The following DENND4C variants were observed in gnomAD, a reference collection of about 807,000 sequenced individuals.
DENND4C encodes the protein DENN domain-containing protein 4C.
Under a neutral mutation model 203.0 loss-of-function variants are expected in DENND4C, and 108 were observed. The observed-to-expected ratio is 0.53, with a 90% CI of 0.46 to 0.62. DENND4C has a LOEUF of 0.62. DENND4C is among the 20% of genes least tolerant of loss of function. The pLI, the probability that DENND4C is intolerant of heterozygous loss-of-function variation, is 0.00. For missense variants in DENND4C, 2,481 were observed against 2,301.2 expected, an observed-to-expected ratio of 1.08 and a Z score of -1.60; for synonymous variants, 871 against 792.4, an observed-to-expected ratio of 1.10 and a Z score of -1.67.
At position 19,340,991 on chromosome 9, in the gene DENND4C, G is replaced by T. The variant is rs1400219632; in HGVS notation, c.2882-1G>T. On this transcript the variant is annotated splice_acceptor_variant, in intron 20 of 32. Coordinates refer to ENST00000434457, the MANE Select transcript of DENND4C (RefSeq NM_001330640.2). LOFTEE classifies it high-confidence loss of function. Reference sequence around the variant, plus strand: ...ATGTAAGTCTGCATTCTTTTTAACAGGTGGTCAGTCTGACCAAGGATACGG... The same window carrying T: ...ATGTAAGTCTGCATTCTTTTTAACATGTGGTCAGTCTGACCAAGGATACGG... 6.3e-7 allele frequency: 1 copy of T among 1,593,992 alleles called. No individual in the cohort carries two copies. Among genetic ancestry groups the T allele is most frequent in the Non-Finnish European group, 8.5e-7 (1 of 1,173,626 alleles).
At chr9:19,278,809 G>C (rs1295160100) in intron 2 of DENND4C, among the ~76,000 whole-genome samples, 1 of 152,112 alleles carries the variant, frequency 6.6e-6, no homozygotes, top group Admixed American at 6.5e-5. Context: ...TATGAGCCAG[G>C]TTAGAAAGAC....
Position 19,342,679 on chromosome 9 carries a change from T to C in DENND4C, c.3051T>C (p.Ser1017=). 2 of 1,612,996 alleles carry C rather than the reference T, an allele frequency of 1.2e-6. No individual in the cohort carries two copies. The highest frequency in any genetic ancestry group is 1.7e-6 in the Non-Finnish European group (2 of 1,179,522). Residue 1017 remains serine (S), a synonymous_variant, in exon 22 of 33, where the codon AGT becomes AGC. Coordinates refer to ENST00000434457, the MANE Select transcript of DENND4C (RefSeq NM_001330640.2). ...TTGTGGCAAAACATTCACAACCTAG[T>C]CCAGAGCCTCACAGTCCTACTGAAC... ...SAIVAKHSQP[S]PEPHSPTEPP...
intron 10 of DENND4C, among the ~76,000 whole-genome samples, chr9:19,306,745 GTATTTATTTATTTATTTATTTATT>G (rs59616787): frequency 0.023 from 3,332 of 142,302 alleles, 122 homozygotes; most frequent in African/African-American, 0.082. Context: ...TTGCACAATT[GTATTTATTTATTTATTTATTTATT>G]TATTTATTTA....
intron 2 of DENND4C, among the ~76,000 whole-genome samples, chr9:19,279,755 G>T (rs371967439): frequency 4.6e-5 from 7 of 152,086 alleles, no homozygotes; most frequent in East Asian, 1.9e-4. Context: ...GCTGAGGTGG[G>T]AGGATCACTG....
intron 27 of DENND4C, 96 bp from the exon 28 acceptor site, chr9:19,357,869 G>T (rs1825726152): frequency 1.0e-6 from 1 of 967,918 alleles, no homozygotes; most frequent in Non-Finnish European, 1.5e-6. Flanking sequence ...GATATATTTA[G>T]TAGACTCAAG....
At chr9:19,300,857 A>T (rs960223830) in intron 9 of DENND4C, among the ~76,000 whole-genome samples, 6 of 152,236 alleles carry the variant, frequency 3.9e-5, no homozygotes, top group South Asian at 2.1e-4. Context: ...TCCCTGCTTA[A>T]AACCCTTTGG....
intron 1 of DENND4C, among the ~76,000 whole-genome samples, chr9:19,252,712 T>TACACAC (rs10611179): frequency 1.3e-5 from 2 of 149,914 alleles, no homozygotes; most frequent in East Asian, 3.9e-4. Flanking sequence ...AGCGTGTGTA[T>TACACAC]ACACACACAC....
intron 1 of DENND4C, among the ~76,000 whole-genome samples, chr9:19,248,951 C>T (rs932397085): frequency 4.0e-5 from 6 of 151,754 alleles, no homozygotes; most frequent in African/African-American, 9.7e-5. Flanking sequence ...CCACTACGGC[C>T]AGCTAATTTT....
chr9:19,357,813 G>A (rs1825717548), intron 27 of DENND4C, 152 bp from the exon 28 acceptor site: 2 of 609,750 alleles, frequency 3.3e-6, no homozygotes, highest in African/African-American at 3.7e-5. Context: ...TTACAAAAAT[G>A]GTTGAAGGAA....
intron 12 of DENND4C, 85 bp from the exon 13 acceptor site, chr9:19,324,277 A>G (rs2131668275): frequency 3.0e-6 from 3 of 999,090 alleles, no homozygotes; most frequent in South Asian, 1.8e-5. Flanking sequence ...AGAGAATGTA[A>G]TATAGATAAG....
intron 1 of DENND4C, among the ~76,000 whole-genome samples, chr9:19,245,786 G>A (rs1467206197): frequency 1.3e-5 from 2 of 151,796 alleles, no homozygotes; most frequent in African/African-American, 4.8e-5. Context: ...AACCCAGGAG[G>A]TGGAGGTTGC....
At chr9:19,363,989 G>A (rs1337531688) in intron 30 of DENND4C, among the ~76,000 whole-genome samples, 1 of 152,164 alleles carries the variant, frequency 6.6e-6, no homozygotes, top group Admixed American at 6.5e-5. Context: ...ACTCCAGCCT[G>A]GGCATCGCAG....
intron 1 of DENND4C, among the ~76,000 whole-genome samples, chr9:19,270,759 GA>G (rs940540478): frequency 6.6e-6 from 1 of 150,800 alleles, no homozygotes; most frequent in Non-Finnish European, 1.5e-5. Flanking sequence ...GCAAGAAAAA[GA>G]AAAAAAAGGC....
At chr9:19,311,400 A>G (rs1398106874) in intron 10 of DENND4C, among the ~76,000 whole-genome samples, 1 of 152,208 alleles carries the variant, frequency 6.6e-6, no homozygotes. Context: ...TCCTAGAATT[A>G]TAGGCATGAG....
At chr9:19,316,363 A>C in intron 10 of DENND4C, 54 bp from the exon 11 acceptor site, 1 of 1,443,538 alleles carries the variant, frequency 6.9e-7, no homozygotes. Context: ...AATTTTGTCT[A>C]GTAAAAGCAG....
At chr9:19,274,692 C>T (rs1832508821) in intron 1 of DENND4C, among the ~76,000 whole-genome samples, 1 of 152,122 alleles carries the variant, frequency 6.6e-6, no homozygotes, top group Non-Finnish European at 1.5e-5. Flanking sequence ...TTTAATGATT[C>T]CTGAGCTTAC....
chr9:19,236,827 G>A (rs1249802804), intron 1 of DENND4C, among the ~76,000 whole-genome samples: 2 of 152,134 alleles, frequency 1.3e-5, no homozygotes, highest in Non-Finnish European at 2.9e-5. Flanking sequence ...TTCCCTCAGA[G>A]CGTTTGCATA....
At chr9:19,327,135 G>A (rs1325756704) in intron 15 of DENND4C, among the ~76,000 whole-genome samples, 3 of 152,012 alleles carry the variant, frequency 2.0e-5, no homozygotes, top group Non-Finnish European at 4.4e-5. Context: ...GTTAACTATA[G>A]AATTCTTTTC....
intron 2 of DENND4C, among the ~76,000 whole-genome samples, chr9:19,277,450 T>G (rs55785034): frequency 0.028 from 4,205 of 152,300 alleles, 189 homozygotes; most frequent in African/African-American, 0.094. Flanking sequence ...TAGTGTTGTT[T>G]TCTTAATTTT....
Sources: allele counts gnomAD v4.1 joint callset (sites outside exome capture counted in the v4.1 genomes callset), GRCh38; gene constraint gnomAD v4.1.1; transcripts MANE v1.5; gene names NCBI Gene and HGNC (gene_info 2026-07-23, HGNC 2026-07-21).